Variants in TRIM44 observed in about 807,000 individuals in gnomAD.
TRIM44 encodes tripartite motif containing 44, also known as tripartite motif-containing protein 44.
TRIM44 carries 13 observed loss-of-function variants against 37.4 expected under a neutral mutation model. The ratio of observed to expected loss-of-function variants is 0.35; its 90% CI spans 0.23 to 0.55. The LOEUF is 0.55. Among genes scored for constraint, TRIM44 ranks in the 20% least tolerant of loss-of-function variants. TRIM44 has a pLI of 0.89. For synonymous variants in TRIM44, 175 were observed against 157.2 expected, an observed-to-expected ratio of 1.11 and a Z score of -0.85; for missense variants, 426 against 437.2, an observed-to-expected ratio of 0.97 and a Z score of 0.23.
intron 4 of TRIM44, among the ~76,000 whole-genome samples, chr11:35,747,014 A>G (rs1852500396): frequency 6.6e-6 from 1 of 152,154 alleles, no homozygotes; most frequent in South Asian, 2.1e-4. Context: ...TGAGCATGAG[A>G]AAAACAGTGC....
intron 1 of TRIM44, among the ~76,000 whole-genome samples, chr11:35,671,150 GTC>G (rs1851388966): frequency 6.6e-6 from 1 of 152,186 alleles, no homozygotes; most frequent in Non-Finnish European, 1.5e-5. Context: ...CAAAATGAAA[GTC>G]TGTACTTCTG....
At chr11:35,758,799 C>A (rs985170687) in intron 4 of TRIM44, among the ~76,000 whole-genome samples, 1 of 152,156 alleles carries the variant, frequency 6.6e-6, no homozygotes, top group Non-Finnish European at 1.5e-5. Flanking sequence ...GTTGAAAATT[C>A]TTTTCTTTAA....
intron 4 of TRIM44, among the ~76,000 whole-genome samples, chr11:35,742,333 A>G (rs1482559050): frequency 6.7e-6 from 1 of 148,192 alleles, no homozygotes; most frequent in Non-Finnish European, 1.5e-5. Context: ...GTGAGGAAGT[A>G]TTTTAAACAT....
chr11:35,744,158 C>T (rs939031324), intron 4 of TRIM44, among the ~76,000 whole-genome samples: 22 of 152,142 alleles, frequency 1.4e-4, no homozygotes, highest in African/African-American at 5.3e-4. Flanking sequence ...GTTTTGCCTT[C>T]TTAGGGCTTT....
At chr11:35,678,956 G>C (rs150099053) in intron 1 of TRIM44, among the ~76,000 whole-genome samples, 1 of 151,390 alleles carries the variant, frequency 6.6e-6, no homozygotes, top group East Asian at 1.9e-4. Context: ...TCCCAGACAA[G>C]ACCTTCTGGT....
At chr11:35,742,767 A>T (rs923059260) in intron 4 of TRIM44, among the ~76,000 whole-genome samples, 2 of 113,370 alleles carry the variant, frequency 1.8e-5, no homozygotes, top group African/African-American at 7.2e-5. Flanking sequence ...GTTATGTATT[A>T]TATATTACAT....
chr11:35,791,244 G>A (rs967822106), intron 4 of TRIM44, among the ~76,000 whole-genome samples: 2 of 152,126 alleles, frequency 1.3e-5, no homozygotes, highest in African/African-American at 4.8e-5. Flanking sequence ...TCACATTTGA[G>A]CATCCTAATG....
chr11:35,754,837 T>A (rs901337685), intron 4 of TRIM44, among the ~76,000 whole-genome samples: 7 of 152,248 alleles, frequency 4.6e-5, no homozygotes, highest in African/African-American at 1.7e-4. Flanking sequence ...CATGAACTCA[T>A]CCTTTTTTAT....
intron 2 of TRIM44, among the ~76,000 whole-genome samples, chr11:35,697,163 A>G (rs902442776): frequency 2.9e-4 from 43 of 149,952 alleles, no homozygotes; most frequent in African/African-American, 1.1e-3. Flanking sequence ...TGCTGCACCC[A>G]TTAACTCGTC....
At chr11:35,700,114 G>A (rs187309998) in intron 2 of TRIM44, among the ~76,000 whole-genome samples, 14 of 152,172 alleles carry the variant, frequency 9.2e-5, no homozygotes, top group East Asian at 3.9e-4. Context: ...AAGTTCATAC[G>A]GAACCAAAAA....
Position 35,663,344 on chromosome 11 carries a change from A to G in TRIM44, c.233A>G (p.Lys78Arg). Residue 78 changes from lysine (K) to arginine (R), a missense_variant, in exon 1 of 5, where the codon AAG becomes AGG. Physicochemically the swap from Lys to Arg is conservative, Grantham distance 26 (BLOSUM62 2). Around this residue, in one of 2 missense-constraint regions of TRIM44, gnomAD observed 331 missense variants for 303.0 expected, o/e 1.09. Coordinates refer to ENST00000299413, the MANE Select transcript of TRIM44 (RefSeq NM_017583.6). ...CCAGCTGACGGAGAGGGGGCGGGGA[A>G]GGAAGAAGCGGAGGTCAAGGTGGAG... ...TPPADGEGAG[K>R]EEAEVKVEQE... 1 of 1,613,936 alleles carries G rather than the reference A, an allele frequency of 6.2e-7. No individual in the cohort carries two copies. Among genetic ancestry groups the G allele is most frequent in the Non-Finnish European group, 8.5e-7 (1 of 1,179,936 alleles).
chr11:35,755,822 C>T (rs1416417630), intron 4 of TRIM44, among the ~76,000 whole-genome samples: 32 of 152,164 alleles, frequency 2.1e-4, no homozygotes, highest in Non-Finnish European at 2.1e-4. Context: ...TGTAGATATG[C>T]GGCGTTATTT....
intron 4 of TRIM44, among the ~76,000 whole-genome samples, chr11:35,776,721 T>A (rs1478261725): frequency 6.6e-6 from 1 of 152,250 alleles, no homozygotes; most frequent in African/African-American, 2.4e-5. Context: ...CACCCAGTAG[T>A]CATTCAGGAG....
At chr11:35,697,860 A>T (rs1590516320) in intron 2 of TRIM44, among the ~76,000 whole-genome samples, 1 of 152,156 alleles carries the variant, frequency 6.6e-6, no homozygotes, top group East Asian at 1.9e-4. Context: ...TCGTTGTTGG[A>T]CATTTGGATT....
intron 2 of TRIM44, among the ~76,000 whole-genome samples, chr11:35,692,987 T>C (rs1411410634): frequency 6.6e-6 from 1 of 151,250 alleles, no homozygotes; most frequent in Non-Finnish European, 1.5e-5. Context: ...AATTGAGCAA[T>C]GGACGATTCT....
In TRIM44 at chr11:35,795,922, GC is replaced by G. The variant is rs535668287; in HGVS notation, c.1008-10434del. ...ACTATGTCAAGCTCTTTATATATCT[GC>G]CAACCACTTCATATACATTAATCTA... On this transcript the variant is annotated intron_variant, in intron 4 of 4. Coordinates refer to ENST00000299413, the MANE Select transcript of TRIM44 (RefSeq NM_017583.6). Among the ~76,000 whole-genome samples, 247 of 152,230 alleles carry G rather than the reference GC, an allele frequency of 1.6e-3. 1 individual carries two copies. The highest frequency in any genetic ancestry group is 1.2e-3 in the Non-Finnish European group (85 of 68,014).
chr11:35,697,123 T>G (rs1851712699), intron 2 of TRIM44, among the ~76,000 whole-genome samples: 9 of 150,866 alleles, frequency 6.0e-5, no homozygotes, highest in South Asian at 4.2e-4. Flanking sequence ...TGCAGGTTTG[T>G]TACATATGTA....
rs556968710 is a variant in TRIM44, at chr11:35,697,742, T to C, written c.747+12406T>C. Among the ~76,000 whole-genome samples the C allele has an allele frequency of 6.6e-5, 10 of 152,112 alleles. No individual in the cohort carries two copies. In the South Asian group the frequency reaches 8.3e-4, roughly 13 times the overall value. The stretch of plus-strand genomic sequence containing the variant: ...CCTTGTGATAGTTTGTTGAGAATGA[T>C]GGTTTCCAGTTGCATCCATGTCCCT... On this transcript the variant is annotated intron_variant, in intron 2 of 4. Transcript: ENST00000299413.
At chr11:35,721,980 C>A (rs140099563) in intron 2 of TRIM44, among the ~76,000 whole-genome samples, 1 of 152,220 alleles carries the variant, frequency 6.6e-6, no homozygotes, top group Non-Finnish European at 1.5e-5. Context: ...TTGGAAGGAG[C>A]TGTCTTGGAG....
Sources: allele counts gnomAD v4.1 joint callset (sites outside exome capture counted in the v4.1 genomes callset), GRCh38; gene constraint gnomAD v4.1.1; regional missense constraint gnomAD v4.1.1; transcripts MANE v1.5; gene names NCBI Gene and HGNC (gene_info 2026-07-23, HGNC 2026-07-21).